Variants in SFRP1 observed in about 807,000 individuals in gnomAD.
SFRP1 encodes the protein secreted frizzled-related protein 1.
In SFRP1, 9 loss-of-function variants were observed where a neutral mutation model predicts 25.9. That is an observed-to-expected ratio of 0.35 (90% CI 0.21 to 0.61). The LOEUF is 0.61. Ranked by LOEUF, SFRP1 falls within the 20% of genes least tolerant of loss-of-function variation. The pLI is 0.78. For synonymous variants in SFRP1, 178 were observed against 174.0 expected, an observed-to-expected ratio of 1.02 and a Z score of -0.18; for missense variants, 346 against 418.2, an observed-to-expected ratio of 0.83 and a Z score of 1.51.
intron 2 of SFRP1, among the ~76,000 whole-genome samples, chr8:41,280,550 G>C (rs1803622862): frequency 6.6e-6 from 1 of 152,146 alleles, no homozygotes; most frequent in Non-Finnish European, 1.5e-5. Context: ...AAGCCATCTG[G>C]AGCCTACACA....
rs1261463709 is a variant in SFRP1 at position 41,265,047 on chromosome 8, A to T, written c.*120T>A. 1.4e-6 allele frequency: 1 copy of T among 690,148 alleles called. No individual in the cohort carries two copies. The highest frequency in any genetic ancestry group is 2.4e-6 in the Non-Finnish European group (1 of 415,922). 42.8% of individuals were successfully genotyped at this position (690,148 alleles called of 1,614,324 possible). On this transcript the variant is annotated 3_prime_UTR_variant, in exon 3 of 3. Transcript: ENST00000220772. ...AATGCTGCAAGAACAAGCCGACTGG[A>T]TTACAATGTCCACTACTGACAGGCG...
chr8:41,286,199 C>T (rs1186540545), intron 2 of SFRP1, among the ~76,000 whole-genome samples: 1 of 152,020 alleles, frequency 6.6e-6, no homozygotes, highest in East Asian at 1.9e-4. Context: ...TTCCCGACTT[C>T]GAGTAATCAT....
intron 2 of SFRP1, among the ~76,000 whole-genome samples, chr8:41,286,803 C>T (rs1375054005): frequency 1.3e-5 from 2 of 152,188 alleles, no homozygotes; most frequent in Non-Finnish European, 2.9e-5. Flanking sequence ...CCCTAGCTGG[C>T]TCCTCCACCT....
In SFRP1 at chr8:41,264,972, C is replaced by T; in HGVS notation, c.*195G>A. The T allele has an allele frequency of 1.8e-6, 1 of 560,666 alleles. No homozygotes were observed. The highest frequency in any genetic ancestry group is 3.3e-5 in the Admixed American group (1 of 30,512). 34.7% of individuals were successfully genotyped at this position (560,666 alleles called of 1,614,324 possible). On this transcript the variant is annotated 3_prime_UTR_variant, in exon 3 of 3. Transcript: ENST00000220772. ...TCTAAATGGCCCTTGCTTTACCCGG[C>T]CATGGCTACCCTGGGGTTTGGAGCG...
intron 2 of SFRP1, among the ~76,000 whole-genome samples, chr8:41,267,642 T>C (rs4736959): frequency 0.44 from 66,392 of 152,046 alleles, 14,656 homozygotes; most frequent in South Asian, 0.53. Flanking sequence ...CTAAGTATTT[T>C]CCGTGCATTT....
chr8:41,290,786 C>T (rs1356486457), intron 2 of SFRP1, among the ~76,000 whole-genome samples: 1 of 151,888 alleles, frequency 6.6e-6, no homozygotes, highest in African/African-American at 2.4e-5. Context: ...TCAGAGACTC[C>T]CTGTCCAAAA....
chr8:41,308,741 CACGA>C lies in SFRP1; in HGVS notation c.415_418del (p.Ser139AlafsTer30). 3 of 1,608,394 alleles carry C rather than the reference CACGA, an allele frequency of 1.9e-6. No individual in the cohort carries two copies. Among genetic ancestry groups the C allele is most frequent in the Non-Finnish European group, 1.7e-6 (2 of 1,177,690 alleles). ...GCCGAAGAACTGCATGACCGGCTCGCACGAGTCGCGCACGGCCTCGCAGAGCCAG... is the reference window on the plus strand; with the variant it reads ...GCCGAAGAACTGCATGACCGGCTCGCGTCGCGCACGGCCTCGCAGAGCCAG... On this transcript the variant is annotated frameshift_variant, in exon 1 of 3. Coordinates refer to ENST00000220772, the MANE Select transcript of SFRP1 (RefSeq NM_003012.5). LOFTEE classifies it high-confidence loss of function.
intron 2 of SFRP1, among the ~76,000 whole-genome samples, chr8:41,299,452 A>C (rs1363243993): frequency 6.8e-6 from 1 of 146,784 alleles, no homozygotes; most frequent in Admixed American, 7.0e-5. Flanking sequence ...CCTTGAACTT[A>C]ATACACAAGT....
chr8:41,289,046 C>T (rs1391802229), intron 2 of SFRP1, among the ~76,000 whole-genome samples: 2 of 152,224 alleles, frequency 1.3e-5, no homozygotes, highest in Non-Finnish European at 2.9e-5. Flanking sequence ...GCACCCCCAA[C>T]TCAACCCTTC....
At chr8:41,294,236 C>T (rs991055066) in intron 2 of SFRP1, among the ~76,000 whole-genome samples, 1 of 152,164 alleles carries the variant, frequency 6.6e-6, no homozygotes, top group South Asian at 2.1e-4. Flanking sequence ...AAGTGCTTAT[C>T]CAGGCTCGTT....
intron 2 of SFRP1, among the ~76,000 whole-genome samples, chr8:41,267,762 C>T (rs1474048987): frequency 2.0e-5 from 3 of 152,162 alleles, no homozygotes; most frequent in Non-Finnish European, 4.4e-5. Context: ...AGTCACTAAT[C>T]CTAAGTTGAA....
Position 41,309,053 on chromosome 8 carries a change from T to G in SFRP1, c.107A>C (p.Tyr36Ser). Residue 36 changes from tyrosine (Y) to serine (S), a missense_variant, in exon 1 of 3, where the codon TAC (tyrosine) becomes TCC (serine). By Grantham distance (144) the Tyr-to-Ser change is moderately radical. Transcript: ENST00000220772. Reference protein sequence around the residue: ...LAVGSASEYDYVSFQSDIGPY... With the variant: ...LAVGSASEYDSVSFQSDIGPY... ...GCCGATGTCCGACTGGAAGCTCACGTAGTCGTACTCGCTGGCCGAGCCCAC... is the reference window on the plus strand; with the variant it reads ...GCCGATGTCCGACTGGAAGCTCACGGAGTCGTACTCGCTGGCCGAGCCCAC... The G allele has an allele frequency of 6.2e-7, 1 of 1,604,910 alleles. No homozygotes were observed. Among genetic ancestry groups the G allele is most frequent in the Admixed American group, 1.7e-5 (1 of 59,972 alleles).
chr8:41,302,866 A>G (rs1803942437), intron 2 of SFRP1, among the ~76,000 whole-genome samples: 1 of 151,192 alleles, frequency 6.6e-6, no homozygotes, highest in Non-Finnish European at 1.5e-5. Context: ...ATGGAGAGTG[A>G]CTTGGGAAGA....
Sources: gnomAD v4.1 joint callset for allele counts (sites outside exome capture counted in the v4.1 genomes callset) on GRCh38, gnomAD v4.1.1 for gene constraint, MANE v1.5 for transcripts, NCBI Gene and HGNC (gene_info 2026-07-23, HGNC 2026-07-21) for gene names.